PATJ: variants seen among roughly 807,000 people sequenced by gnomAD.
PATJ encodes inaD-like protein.
PATJ carries 190 observed loss-of-function variants against 224.9 expected under a neutral mutation model. The ratio of observed to expected loss-of-function variants is 0.84; its 90% confidence interval spans 0.75 to 0.95. The LOEUF is 0.95. PATJ is among the 40% of genes least tolerant of loss of function. The pLI is 0.00. For synonymous variants in PATJ, 769 were observed against 820.3 expected (o/e 0.94, Z 1.07); for missense variants, 2,121 against 2,270.3 (o/e 0.93, Z 1.34).
intron 42 of PATJ, among the ~76,000 whole-genome samples, chr1:62,152,497 C>T (rs762081168): frequency 2.2e-4 from 33 of 151,870 alleles, no homozygotes; most frequent in Non-Finnish European, 4.6e-4. Flanking sequence ...ACTAAAAATA[C>T]AAAACTTAGC....
rs200634709 is a variant in PATJ, at chr1:61,833,615, C to A, written c.1981-39C>A. 58 of 1,574,476 alleles carry A rather than the reference C, an allele frequency of 3.7e-5. 1 individual carries two copies. In the Middle Eastern group the frequency reaches 1.2e-3, roughly 32 times the overall value. ...TGTGCATTCTTTTCAGAATTGAAAG[C>A]ATAGTGTTTTGAAGCATTTATCTTC... On this transcript the variant is annotated intron_variant, in intron 16 of 43. Coordinates refer to ENST00000642238, the MANE Select transcript of PATJ (RefSeq NM_001350145.3).
At position 61,777,554 on chromosome 1, in the gene PATJ, A is replaced by C. The variant is rs190457784; in HGVS notation, c.849+2220A>C. Among the ~76,000 whole-genome samples the C allele has an allele frequency of 1.9e-3, 284 of 152,212 alleles. 3 individuals are homozygous for C. Among genetic ancestry groups the C allele is most frequent in the African/African-American group, 6.7e-3 (278 of 41,506 alleles). On this transcript the variant is annotated intron_variant, in intron 7 of 43. Coordinates refer to ENST00000642238, the MANE Select transcript of PATJ (RefSeq NM_001350145.3). ...TCTCAAGAAAAAAAATAAAAACAAA[A>C]GAAAAGAAAGGCATTTCTGATTAGA...
Position 62,140,724 on chromosome 1 carries a change from G to A in PATJ, c.5272-7560G>A, listed in dbSNP as rs149535860. 3.9e-3 allele frequency among the ~76,000 whole-genome samples: 586 copies of A among 151,814 alleles called. 6 individuals are homozygous for A. Among genetic ancestry groups the A allele is most frequent in the Non-Finnish European group, 5.2e-3 (352 of 67,978 alleles). On this transcript the variant is annotated intron_variant, in intron 41 of 43. Transcript: ENST00000642238. ...TTACCATTTGTATGGTGGATTTCAT[G>A]GACTCTTGAAAGGATAATCTCTTTC...
intron 33 of PATJ, among the ~76,000 whole-genome samples, chr1:62,088,559 G>T (rs1455280076): frequency 1.3e-5 from 2 of 152,012 alleles, no homozygotes; most frequent in Non-Finnish European, 2.9e-5. Flanking sequence ...CCATTTACTA[G>T]CTGGGGCAGA....
intron 28 of PATJ, among the ~76,000 whole-genome samples, chr1:62,007,764 A>G (rs542513231): frequency 2.0e-5 from 3 of 152,190 alleles, no homozygotes; most frequent in Non-Finnish European, 4.4e-5. Context: ...TTCCTGCTGT[A>G]TGCACACACA....
intron 18 of PATJ, among the ~76,000 whole-genome samples, chr1:61,860,009 A>G (rs1664303100): frequency 1.3e-5 from 2 of 152,214 alleles, no homozygotes; most frequent in Admixed American, 1.3e-4. Context: ...GTCAGGGTAG[A>G]GCAGAAAGAC....
At chr1:62,136,284 G>A (rs1380577731) in intron 41 of PATJ, among the ~76,000 whole-genome samples, 3 of 151,224 alleles carry the variant, frequency 2.0e-5, no homozygotes, top group African/African-American at 4.9e-5. Context: ...CGCCCATCTC[G>A]GCCTCCCAAA....
At chr1:61,788,054 A>T in intron 8 of PATJ, 82 bp downstream of exon 8, 1 of 1,126,500 alleles carries the variant, frequency 8.9e-7, no homozygotes, top group Admixed American at 2.0e-5. Context: ...TTCAACTTGA[A>T]GCACCACATT....
intron 22 of PATJ, among the ~76,000 whole-genome samples, chr1:61,884,745 C>A (rs1344313104): frequency 3.9e-5 from 6 of 151,994 alleles, no homozygotes; most frequent in African/African-American, 1.5e-4. Flanking sequence ...CTACAGGAAT[C>A]CCTTGACTCA....
intron 27 of PATJ, among the ~76,000 whole-genome samples, chr1:61,985,903 G>A (rs1309884402): frequency 1.3e-5 from 2 of 151,892 alleles, no homozygotes; most frequent in South Asian, 2.1e-4. Context: ...TTTAAAACTC[G>A]ACATAACTAT....
chr1:61,992,338 G>A (rs944019085), intron 28 of PATJ, among the ~76,000 whole-genome samples: 5 of 151,954 alleles, frequency 3.3e-5, no homozygotes, highest in African/African-American at 1.2e-4. Flanking sequence ...GGGTGGTCTC[G>A]AACTCCCGAC....
At chr1:61,760,743 A>G (rs959529955) in intron 1 of PATJ, among the ~76,000 whole-genome samples, 1 of 147,380 alleles carries the variant, frequency 6.8e-6, no homozygotes, top group Admixed American at 6.8e-5. Flanking sequence ...CAGCCTCCCG[A>G]GTAGCTGGAA....
chr1:61,964,208 A>G (rs1353904850), intron 27 of PATJ, among the ~76,000 whole-genome samples: 6 of 151,532 alleles, frequency 4.0e-5, no homozygotes, highest in African/African-American at 1.2e-4. Flanking sequence ...CAGCCTCCCA[A>G]GTAGCTGGGA....
chr1:62,034,578 C>G (rs1396890015), intron 29 of PATJ, among the ~76,000 whole-genome samples: 1 of 152,038 alleles, frequency 6.6e-6, no homozygotes, highest in African/African-American at 2.4e-5. Context: ...TAAATGCCTT[C>G]TCTCCTTTGG....
At position 62,063,728 on chromosome 1, in the gene PATJ, G is replaced by C. The variant is rs559209573; in HGVS notation, c.4125+12670G>C. On this transcript the variant is annotated intron_variant, in intron 31 of 43. Transcript: ENST00000642238. The stretch of plus-strand genomic sequence containing the variant: ...CCTTATAGAGATCTTTCACCTCCTT[G>C]GTTAAATGTATCCCTAGGTATTTTT... Among the ~76,000 whole-genome samples, 3 of 152,172 alleles carry C rather than the reference G, an allele frequency of 2.0e-5. 1 individual carries two copies. Among genetic ancestry groups the C allele is most frequent in the African/African-American group, 7.2e-5 (3 of 41,526 alleles).
chr1:62,159,902 GA>G (rs1206249476), intron 43 of PATJ, among the ~76,000 whole-genome samples: 1 of 152,114 alleles, frequency 6.6e-6, no homozygotes, highest in African/African-American at 2.4e-5. Context: ...TCACGGTTTA[GA>G]AAACCTGTCT....
At chr1:61,816,546 T>A (rs780904271) in intron 14 of PATJ, 1 of 152,088 alleles carries the variant, frequency 6.6e-6, no homozygotes, top group Non-Finnish European at 1.5e-5. Flanking sequence ...TATAAAAAAA[T>A]TTTCAAAAAA....
At chr1:62,145,675 G>A (rs938106505) in intron 41 of PATJ, among the ~76,000 whole-genome samples, 9 of 148,544 alleles carry the variant, frequency 6.1e-5, no homozygotes, top group African/African-American at 2.2e-4. Context: ...ATAAAGAAAA[G>A]GCCAGGTGCA....
intron 29 of PATJ, among the ~76,000 whole-genome samples, chr1:62,025,296 A>C (rs888674275): frequency 1.3e-5 from 2 of 152,084 alleles, no homozygotes; most frequent in Admixed American, 6.6e-5. Flanking sequence ...CTCCTGCATC[A>C]CTCATTACCA....
Sources: allele counts gnomAD v4.1 joint callset (sites outside exome capture counted in the v4.1 genomes callset), GRCh38; gene constraint gnomAD v4.1.1; transcripts MANE v1.5; gene names NCBI Gene and HGNC (gene_info 2026-07-23, HGNC 2026-07-21).